Variants in GM2A observed in about 807,000 individuals in gnomAD.
The protein encoded by GM2A is ganglioside GM2 activator.
In GM2A, 7 loss-of-function variants were observed where a neutral mutation model predicts 12.9. The observed-to-expected ratio is 0.54, with a 90% CI of 0.31 to 1.02. The LOEUF is 1.02. GM2A is among the 50% of genes least tolerant of loss of function. GM2A has a pLI of 0.05. For synonymous variants in GM2A, 101 were observed against 96.0 expected (o/e 1.05, Z -0.30); for missense variants, 246 against 241.0 (o/e 1.02, Z -0.14).
rs1237590287 is a variant in GM2A at position 151,259,887 on chromosome 5, A to G, written c.214A>G (p.Thr72Ala). The G allele has an allele frequency of 1.2e-6, 2 of 1,613,708 alleles. No homozygotes were observed. The highest frequency in any genetic ancestry group is 2.2e-5 in the South Asian group (2 of 91,044). The change falls in exon 2 of 4, where the codon ACC (threonine) becomes GCC (alanine). Residue 72 changes from threonine (T) to alanine (A), a missense_variant. Thr to Ala is a moderately conservative substitution (Grantham distance 58). Transcript: ENST00000357164. Reference protein sequence around the residue: ...GNVTLSVMGSTSVPLSSPLKV... With the variant: ...GNVTLSVMGSASVPLSSPLKV... ...TGTGACCCTCAGTGTCATGGGCAGC[A>G]CCAGTGTCCCCCTGAGTTCTCCTCT...
Position 151,259,736 on chromosome 5 carries a change from G to C in GM2A, c.82-19G>C. The C allele has an allele frequency of 6.2e-7, 1 of 1,611,408 alleles. No individual in the cohort carries two copies. Among genetic ancestry groups the C allele is most frequent in the South Asian group, 1.1e-5 (1 of 91,014 alleles). On this transcript the variant is annotated intron_variant, in intron 1 of 3. Coordinates refer to ENST00000357164, the MANE Select transcript of GM2A (RefSeq NM_000405.5). ...AACCTTTTTCTTCTTCTCCTTCCTT[G>C]CTGCCTGATTGTCCCCAGCCATCCC...
rs1029989292 is a variant in GM2A, at chr5:151,253,455, A to G, written c.81+158A>G. ...AACTAATTATGGGATTCTGGTCTGT[A>G]CAATGAGGGTGGCCTCTAAAGACTT... On this transcript the variant is annotated intron_variant, in intron 1 of 3. Transcript: ENST00000357164. Among the ~76,000 whole-genome samples the G allele has an allele frequency of 3.9e-5, 6 of 152,304 alleles. No individual in the cohort carries two copies. The East Asian group carries it at 7.7e-4, about 20-fold the overall frequency.
At position 151,266,875 on chromosome 5, in the gene GM2A, C is replaced by G. The variant is rs761084552; in HGVS notation, c.388C>G (p.Arg130Gly). 7 of 1,613,702 alleles carry G rather than the reference C, an allele frequency of 4.3e-6. No individual in the cohort carries two copies. Among genetic ancestry groups the G allele is most frequent in the Non-Finnish European group, 5.1e-6 (6 of 1,179,632 alleles). Residue 130 changes from arginine to glycine, a missense_variant, in exon 3 of 4, where the codon CGT becomes GGT. Coordinates refer to ENST00000357164, the MANE Select transcript of GM2A (RefSeq NM_000405.5). ...TGGGGAGCCCTGCCCAGAGCCCCTG[C>G]GTACCTATGGGCTTCCTTGCCACTG... The part of the protein sequence containing the change: ...PTGEPCPEPL[R>G]TYGLPCHCPF...
Position 151,268,799 on chromosome 5 carries a change from A to T in GM2A, c.*1348A>T. ...TTTTTTTAAAAAGCTGTGCAGTGTG[A>T]TGTGTCCCAAACGGACTGGCTCATG... On this transcript the variant is annotated 3_prime_UTR_variant, in exon 4 of 4. Transcript: ENST00000357164. 1 of 812,110 alleles carries T rather than the reference A, an allele frequency of 1.2e-6. No homozygotes were observed. The highest frequency in any genetic ancestry group is 1.5e-6 in the Non-Finnish European group (1 of 671,940). The allele number at this position is 812,110 out of a possible 1,614,324, so 50.3% of individuals were successfully genotyped here. A position where few individuals can be genotyped will look rare whatever the true frequency, so the allele number is the denominator to read the frequency against.
At position 151,258,387 on chromosome 5, in the gene GM2A, C is replaced by T. The variant is rs543472090; in HGVS notation, c.82-1368C>T. ...GTTAAAAGATGTGGAAATTTAGACT[C>T]CAAAGGGGAAACTGGCCTATAAAAT... On this transcript the variant is annotated intron_variant, in intron 1 of 3. Transcript: ENST00000357164. Among the ~76,000 whole-genome samples the T allele has an allele frequency of 3.3e-5, 5 of 152,338 alleles. No homozygotes were observed. The South Asian group carries it at 1.0e-3, about 32-fold the overall frequency.
intron 1 of GM2A, among the ~76,000 whole-genome samples, 191 bp downstream of exon 1, chr5:151,253,488 T>A (rs892836835): frequency 6.6e-6 from 1 of 152,172 alleles, no homozygotes; most frequent in Non-Finnish European, 1.5e-5. Flanking sequence ...CTTGTTCTGC[T>A]CCAGGCCCTT....
chr5:151,257,117 C>T (rs1426453759), intron 1 of GM2A, among the ~76,000 whole-genome samples: 1 of 152,174 alleles, frequency 6.6e-6, no homozygotes, highest in East Asian at 1.9e-4. Context: ...ACCCATATCT[C>T]TGCCTCCAGA....
rs1260956223 is a variant in GM2A, at chr5:151,266,870, C to A, written c.383C>A (p.Pro128His). The change falls in exon 3 of 4, where the codon CCC becomes CAC. Residue 128 changes from proline to histidine, a missense_variant. Coordinates refer to ENST00000357164, the MANE Select transcript of GM2A (RefSeq NM_000405.5). ...LIPTGEPCPE[P>H]LRTYGLPCHC... ...CCTACTGGGGAGCCCTGCCCAGAGC[C>A]CCTGCGTACCTATGGGCTTCCTTGC... is the stretch of plus-strand genomic sequence containing the variant. The A allele has an allele frequency of 6.2e-7, 1 of 1,613,894 alleles. No individual in the cohort carries two copies. Among genetic ancestry groups the A allele is most frequent in the Non-Finnish European group, 8.5e-7 (1 of 1,179,834 alleles).
chr5:151,268,831 C>A lies in GM2A; in HGVS notation c.*1380C>A. On this transcript the variant is annotated 3_prime_UTR_variant, in exon 4 of 4. Coordinates refer to ENST00000357164, the MANE Select transcript of GM2A (RefSeq NM_000405.5). The stretch of plus-strand genomic sequence containing the variant: ...CCAAACGGACTGGCTCATGGGTGGC[C>A]ACGTCACAACCTCTGATCTCAGACC... 1 of 983,228 alleles carries A rather than the reference C, an allele frequency of 1.0e-6. No individual in the cohort carries two copies. Among genetic ancestry groups the A allele is most frequent in the Non-Finnish European group, 1.2e-6 (1 of 827,946 alleles). 60.9% of individuals were successfully genotyped at this position (983,228 alleles called of 1,614,324 possible).
chr5:151,269,355 G>A lies in GM2A; in HGVS notation c.*1904G>A. 1.0e-6 allele frequency: 1 copy of A among 985,470 alleles called. No individual in the cohort carries two copies. The highest frequency in any genetic ancestry group is 1.2e-6 in the Non-Finnish European group (1 of 829,960). The allele number at this position is 985,470 out of a possible 1,614,324, so 61.0% of individuals were successfully genotyped here. A position where few individuals can be genotyped will look rare whatever the true frequency, so the allele number is the denominator to read the frequency against. The stretch of plus-strand genomic sequence containing the variant: ...GGGTTTGTTGGAACGGTACAGGTGA[G>A]CCGAGGTGATTCCAGGGACGGACCC... On this transcript the variant is annotated 3_prime_UTR_variant, in exon 4 of 4. Transcript: ENST00000357164.
intron 1 of GM2A, 116 bp from the exon 2 acceptor site, chr5:151,259,639 C>A: frequency 1.2e-6 from 1 of 842,720 alleles, no homozygotes; most frequent in Non-Finnish European, 2.0e-6. Flanking sequence ...GGCTCAGGGA[C>A]GGGGGTGCCT....
intron 2 of GM2A, among the ~76,000 whole-genome samples, chr5:151,262,450 C>T (rs1753814990): frequency 6.6e-6 from 1 of 152,248 alleles, no homozygotes; most frequent in African/African-American, 2.4e-5. Flanking sequence ...AAGTGCTTTG[C>T]ACAGGGCCTG....
intron 2 of GM2A, among the ~76,000 whole-genome samples, chr5:151,263,152 G>A (rs150690059): frequency 8.2e-4 from 114 of 139,550 alleles, no homozygotes; most frequent in Non-Finnish European, 1.2e-3. Flanking sequence ...GAGTGTAGTC[G>A]CGCGATCATG....
rs773743799 is a variant in GM2A at position 151,266,822 on chromosome 5, G to T, written c.335G>T (p.Cys112Phe). Residue 112 changes from cysteine (C) to phenylalanine (F), a missense_variant, in exon 3 of 4, where the codon TGT (cysteine) becomes TTT (phenylalanine). Transcript: ENST00000357164. ...YIGSCTFEHF[C>F]DVLDMLIPTG... ...GGCAGCTGTACCTTTGAACACTTCT[G>T]TGATGTGCTTGACATGTTAATTCCT... 4.3e-6 allele frequency: 7 copies of T among 1,613,856 alleles called. No homozygotes were observed. The highest frequency in any genetic ancestry group is 5.9e-6 in the Non-Finnish European group (7 of 1,179,742).
At chr5:151,262,206 T>C (rs1201592255) in intron 2 of GM2A, among the ~76,000 whole-genome samples, 2 of 152,242 alleles carry the variant, frequency 1.3e-5, no homozygotes, top group Non-Finnish European at 1.5e-5. Context: ...TGCAACACCA[T>C]TTAATATGGT....
chr5:151,263,333 G>A (rs1753831372), intron 2 of GM2A, among the ~76,000 whole-genome samples: 1 of 151,856 alleles, frequency 6.6e-6, no homozygotes, highest in Admixed American at 6.6e-5. Flanking sequence ...GCCTCCCAAA[G>A]TGCTGGGATT....
In GM2A at chr5:151,262,517, G is replaced by T. The variant is rs115277190; in HGVS notation, c.243+2601G>T. 5.4e-3 allele frequency among the ~76,000 whole-genome samples: 816 copies of T among 152,330 alleles called. 6 individuals carry two copies. The highest frequency in any genetic ancestry group is 8.9e-3 in the Non-Finnish European group (605 of 68,040). On this transcript the variant is annotated intron_variant, in intron 2 of 3. Coordinates refer to ENST00000357164, the MANE Select transcript of GM2A (RefSeq NM_000405.5). ...CTTGTGAACATTTCGATTAGTATCT[G>T]TCTTATCCTGCAGTCTCTTGACCCA...
In GM2A at chr5:151,270,047, C is replaced by T. The variant is rs1753978702; in HGVS notation, c.*2596C>T. The T allele has an allele frequency of 8.1e-7, 1 of 1,230,322 alleles. No individual in the cohort carries two copies. The allele number at this position is 1,230,322 out of a possible 1,614,324, so 76.2% of individuals were successfully genotyped here. On this transcript the variant is annotated 3_prime_UTR_variant, in exon 4 of 4. Transcript: ENST00000357164. The stretch of plus-strand genomic sequence containing the variant: ...CACATTCTTGACCGAATCTCAGTAG[C>T]TCAGTTAATCTTTTTATGTCTGCTC...
In GM2A at chr5:151,266,871, C is replaced by A. The variant is rs772651186; in HGVS notation, c.384C>A (p.Pro128=). The change falls in exon 3 of 4, where the codon CCC becomes CCA. Residue 128 remains proline (P), a synonymous_variant. Transcript: ENST00000357164. ...LIPTGEPCPE[P]LRTYGLPCHC... The stretch of plus-strand genomic sequence containing the variant: ...CTACTGGGGAGCCCTGCCCAGAGCC[C>A]CTGCGTACCTATGGGCTTCCTTGCC... 1 of 1,613,908 alleles carries A rather than the reference C, an allele frequency of 6.2e-7. No individual in the cohort carries two copies. The highest frequency in any genetic ancestry group is 8.5e-7 in the Non-Finnish European group (1 of 1,179,870).
Sources: allele counts gnomAD v4.1 joint callset (sites outside exome capture counted in the v4.1 genomes callset), GRCh38; gene constraint gnomAD v4.1.1; transcripts MANE v1.5; gene names NCBI Gene and HGNC (gene_info 2026-07-23, HGNC 2026-07-21).